The following IRAK3 variants were observed in gnomAD, a reference collection of about 807,000 sequenced individuals.
The protein encoded by IRAK3 is interleukin-1 receptor-associated kinase 3.
Under a neutral mutation model 56.6 loss-of-function variants are expected in IRAK3, and 57 were observed. That is an observed-to-expected ratio of 1.01 (90% CI 0.81 to 1.26). IRAK3 has a LOEUF of 1.26. IRAK3 is among the 50% of genes most tolerant of loss of function. The probability of loss-of-function intolerance (pLI) is 0.00; values close to 1 mark genes in which losing one functional copy is unlikely to be tolerated. For synonymous variants in IRAK3, 258 were observed against 255.7 expected (o/e 1.01, Z -0.09); for missense variants, 703 against 719.0 (o/e 0.98, Z 0.25).
Position 66,253,246 on chromosome 12 carries a change from T to C in IRAK3, c.*5075T>C. ...TTAAATTATTCCATTTCATCATTCTTGAATAAAAGCTACTAATTTTAAATA... is the reference window on the plus strand; with the variant it reads ...TTAAATTATTCCATTTCATCATTCTCGAATAAAAGCTACTAATTTTAAATA... On this transcript the variant is annotated 3_prime_UTR_variant, in exon 12 of 12. Coordinates refer to ENST00000261233, the MANE Select transcript of IRAK3 (RefSeq NM_007199.3). 6.6e-6 allele frequency: 1 copy of C among 152,232 alleles called. No individual in the cohort carries two copies. Among genetic ancestry groups the C allele is most frequent in the East Asian group, 1.9e-4 (1 of 5,206 alleles). The allele number at this position is 152,232 out of a possible 1,614,324, so 9.4% of individuals were successfully genotyped here.
chr12:66,202,336 A>T (rs1224673860), intron 1 of IRAK3, among the ~76,000 whole-genome samples: 1 of 152,160 alleles, frequency 6.6e-6, no homozygotes, highest in Non-Finnish European at 1.5e-5. Flanking sequence ...TTGAGCTTCT[A>T]TACACCATTG....
intron 5 of IRAK3, among the ~76,000 whole-genome samples, chr12:66,214,351 C>T: frequency 6.6e-6 from 1 of 151,470 alleles, no homozygotes; most frequent in Non-Finnish European, 1.5e-5. Flanking sequence ...TGGTGAAACC[C>T]TGTCTCTACC....
At chr12:66,234,463 A>G in intron 8 of IRAK3, 6 of 1,611,422 alleles carry the variant, frequency 3.7e-6, no homozygotes, top group Admixed American at 3.3e-5. Context: ...GGTTTGTAGC[A>G]ATACTGTATG....
intron 6 of IRAK3, among the ~76,000 whole-genome samples, chr12:66,220,063 C>G (rs891650052): frequency 2.0e-5 from 3 of 152,092 alleles, no homozygotes; most frequent in Non-Finnish European, 4.4e-5. Context: ...TATAGTTCCA[C>G]TTGTTCATTT....
chr12:66,197,054 C>G (rs1186875065), intron 1 of IRAK3: 43 of 1,463,576 alleles, frequency 2.9e-5, no homozygotes, highest in Non-Finnish European at 3.8e-5. Context: ...ACAGTCAGTC[C>G]TGCACTCTCA....
chr12:66,198,258 T>C (rs2052473527), intron 1 of IRAK3: 2 of 207,276 alleles, frequency 9.6e-6, no homozygotes, highest in Non-Finnish European at 1.7e-5. Flanking sequence ...CAAAAATATA[T>C]TGAACGTGTA....
At chr12:66,204,406 C>T (rs572412864) in intron 2 of IRAK3, among the ~76,000 whole-genome samples, 11 of 152,288 alleles carry the variant, frequency 7.2e-5, no homozygotes, top group African/African-American at 2.2e-4. Flanking sequence ...TACACCACAG[C>T]GTTTAACCCT....
chr12:66,210,545 A>G (rs2052601711), intron 4 of IRAK3, among the ~76,000 whole-genome samples: 1 of 152,220 alleles, frequency 6.6e-6, no homozygotes, highest in Non-Finnish European at 1.5e-5. Context: ...AAATGCTCAC[A>G]GCAATTACAG....
chr12:66,196,945 T>G lies in IRAK3; in HGVS notation c.134-6766T>G, dbSNP rs567600630. On this transcript the variant is annotated intron_variant, in intron 1 of 11. Transcript: ENST00000261233. ...GCAGGGGTTTTGGCATGTGGTTGTA[T>G]GCAAATACAAAGATTCCAAATACGG... is the stretch of plus-strand genomic sequence containing the variant. The G allele has an allele frequency of 3.3e-6, 5 of 1,535,618 alleles. No homozygotes were observed. In the African/African-American group the frequency reaches 6.8e-5, roughly 21 times the overall value.
chr12:66,233,498 A>T (rs1435749089), intron 8 of IRAK3, among the ~76,000 whole-genome samples: 2 of 145,778 alleles, frequency 1.4e-5, no homozygotes, highest in East Asian at 4.0e-4. Context: ...AGCCTGGGCG[A>T]CAGAGCGAGA....
chr12:66,189,288 G>A lies in IRAK3; in HGVS notation c.-12G>A. On this transcript the variant is annotated 5_prime_UTR_variant, in exon 1 of 12. Transcript: ENST00000261233. ...GACTCCGCCTCGTCCCCGGGGCTCG[G>A]GCAGCCGAGCCATGGCGGGGAACTG... 1 of 1,535,520 alleles carries A rather than the reference G, an allele frequency of 6.5e-7. No homozygotes were observed. The highest frequency in any genetic ancestry group is 8.7e-7 in the Non-Finnish European group (1 of 1,147,334).
chr12:66,245,368 C>T, intron 11 of IRAK3, 106 bp downstream of exon 11: 4 of 1,191,348 alleles, frequency 3.4e-6, no homozygotes, highest in Non-Finnish European at 4.9e-6. Flanking sequence ...TGAGACAAAT[C>T]CAGCCTCCAA....
At position 66,224,910 on chromosome 12, in the gene IRAK3, G is replaced by C. The variant is rs182413345; in HGVS notation, c.654-1813G>C. 2.2e-3 allele frequency among the ~76,000 whole-genome samples: 334 copies of C among 152,264 alleles called. 2 individuals are homozygous for C. The highest frequency in any genetic ancestry group is 7.8e-3 in the African/African-American group (325 of 41,554). ...AAGGTATCAGATCTGCTAACCTTCTGATGTATATAATCTAAAACCCTACTG... is the reference window on the plus strand; with the variant it reads ...AAGGTATCAGATCTGCTAACCTTCTCATGTATATAATCTAAAACCCTACTG... On this transcript the variant is annotated intron_variant, in intron 6 of 11. Transcript: ENST00000261233.
At chr12:66,222,904 C>T (rs903523939) in intron 6 of IRAK3, among the ~76,000 whole-genome samples, 3 of 152,132 alleles carry the variant, frequency 2.0e-5, no homozygotes, top group African/African-American at 7.2e-5. Context: ...GCTTTTTAAT[C>T]ACCTGGGTGC....
At chr12:66,228,049 A>G (rs1255325153) in intron 7 of IRAK3, among the ~76,000 whole-genome samples, 2 of 152,180 alleles carry the variant, frequency 1.3e-5, no homozygotes, top group Non-Finnish European at 2.9e-5. Flanking sequence ...TTCGTTGTCT[A>G]TAAAAGAGGC....
chr12:66,203,238 C>A (rs1443711177), intron 1 of IRAK3, among the ~76,000 whole-genome samples: 2 of 152,122 alleles, frequency 1.3e-5, no homozygotes, highest in Non-Finnish European at 2.9e-5. Flanking sequence ...GCTCTGCAGA[C>A]AGTCCCTTCA....
intron 8 of IRAK3, among the ~76,000 whole-genome samples, chr12:66,243,710 C>T (rs560634731): frequency 4.6e-5 from 7 of 152,156 alleles, no homozygotes; most frequent in South Asian, 4.2e-4. Flanking sequence ...GCTTACATGG[C>T]GAAGGAAACT....
intron 8 of IRAK3, among the ~76,000 whole-genome samples, chr12:66,231,229 T>C (rs1402899020): frequency 6.6e-6 from 1 of 152,220 alleles, no homozygotes; most frequent in African/African-American, 2.4e-5. Context: ...ATATGTTTAC[T>C]GGCCAGGTGT....
rs751514791 is a variant in IRAK3, at chr12:66,203,738, A to G, written c.161A>G (p.Asp54Gly). The G allele has an allele frequency of 3.2e-5, 51 of 1,613,988 alleles. No individual in the cohort carries two copies. The highest frequency in any genetic ancestry group is 2.8e-5 in the Non-Finnish European group (33 of 1,180,002). Residue 54 changes from aspartate (D) to glycine (G), a missense_variant, in exon 2 of 12, where the codon GAT (aspartate) becomes GGT (glycine). Coordinates refer to ENST00000261233, the MANE Select transcript of IRAK3 (RefSeq NM_007199.3). ...LAERLSSSWLDVRHIEKYVDQ... is the reference protein window; with the variant it reads ...LAERLSSSWLGVRHIEKYVDQ... ...GAGAGACTTTCAAGCAGCTGGCTGG[A>G]TGTTCGTCATATTGAAAAGTATGTA...
Sources: allele counts gnomAD v4.1 joint callset (sites outside exome capture counted in the v4.1 genomes callset), GRCh38; gene constraint gnomAD v4.1.1; transcripts MANE v1.5; gene names NCBI Gene and HGNC (gene_info 2026-07-23, HGNC 2026-07-21).